Variants in FAM117B observed in about 807,000 individuals in gnomAD.
FAM117B encodes protein FAM117B.
A neutral mutation model predicts 52.8 loss-of-function variants in FAM117B; 22 were observed. That is an observed-to-expected ratio of 0.42 (90% CI 0.30 to 0.59). The LOEUF (loss-of-function observed/expected upper bound fraction) is 0.59, where lower values mean the gene tolerates loss of function less well. FAM117B is among the 20% of genes least tolerant of loss of function. FAM117B has a pLI of 0.22. For missense variants in FAM117B, 678 were observed against 802.6 expected (o/e 0.84, Z 1.88); for synonymous variants, 309 against 324.1 (o/e 0.95, Z 0.50).
rs548970976 is a variant in FAM117B at position 202,673,690 on chromosome 2, C to T, written c.602-22191C>T. Reference sequence around the variant, plus strand: ...CTGGAACTCTTGACCTCAGGTGATCCGCCTGTCTCGGTCTCCCAAAGTGCT... The same window carrying T: ...CTGGAACTCTTGACCTCAGGTGATCTGCCTGTCTCGGTCTCCCAAAGTGCT... On this transcript the variant is annotated intron_variant, in intron 1 of 7. Transcript: ENST00000392238. 1.0e-3 allele frequency among the ~76,000 whole-genome samples: 154 copies of T among 151,976 alleles called. 1 individual carries two copies. The highest frequency in any genetic ancestry group is 3.2e-3 in the African/African-American group (134 of 41,458).
At chr2:202,714,528 TTTTTC>T (rs1246593632) in intron 2 of FAM117B, among the ~76,000 whole-genome samples, 2 of 139,744 alleles carry the variant, frequency 1.4e-5, no homozygotes, top group Non-Finnish European at 3.1e-5. Context: ...ATATCTTTTT[TTTTTC>T]TTTTTTTTTT....
intron 2 of FAM117B, among the ~76,000 whole-genome samples, chr2:202,698,637 A>G (rs886381118): frequency 3.9e-5 from 6 of 152,002 alleles, no homozygotes; most frequent in Non-Finnish European, 7.4e-5. Flanking sequence ...TGGTCAGGCC[A>G]GTCTCAAACT....
At chr2:202,736,121 G>A (rs866144650) in intron 4 of FAM117B, among the ~76,000 whole-genome samples, 3 of 152,104 alleles carry the variant, frequency 2.0e-5, no homozygotes, top group Admixed American at 6.5e-5. Flanking sequence ...AGGAATGGAA[G>A]GTGCATTGTA....
chr2:202,685,199 G>T (rs1056211177), intron 1 of FAM117B, among the ~76,000 whole-genome samples: 4 of 151,972 alleles, frequency 2.6e-5, no homozygotes, highest in African/African-American at 9.7e-5. Context: ...TGGCCAGGCT[G>T]GTTTTGAACT....
At chr2:202,755,037 T>C (rs1691781523) in intron 4 of FAM117B, among the ~76,000 whole-genome samples, 1 of 151,526 alleles carries the variant, frequency 6.6e-6, no homozygotes, top group South Asian at 2.1e-4. Context: ...ACAGGTCACA[T>C]GGCCAAGCAG....
chr2:202,665,539 T>G (rs912096952), intron 1 of FAM117B, among the ~76,000 whole-genome samples: 2 of 152,220 alleles, frequency 1.3e-5, no homozygotes, highest in South Asian at 4.1e-4. Flanking sequence ...TGGCACATGA[T>G]GTAATCGTGG....
chr2:202,753,094 C>T (rs1691750399), intron 4 of FAM117B, among the ~76,000 whole-genome samples: 1 of 152,182 alleles, frequency 6.6e-6, no homozygotes, highest in Admixed American at 6.5e-5. Flanking sequence ...AAGCTGGAGG[C>T]ATCATGCTAC....
chr2:202,668,823 A>T (rs1368522308), intron 1 of FAM117B, among the ~76,000 whole-genome samples: 1 of 152,126 alleles, frequency 6.6e-6, no homozygotes, highest in Non-Finnish European at 1.5e-5. Context: ...AAATGAGAAT[A>T]CTCAGTCCAA....
At chr2:202,655,746 G>GTGTGTGTGTGTGTGTGTGTGTGTGTTGA (rs1690045154) in intron 1 of FAM117B, among the ~76,000 whole-genome samples, 1 of 150,160 alleles carries the variant, frequency 6.7e-6, no homozygotes, top group African/African-American at 2.5e-5. Context: ...GAGAGAGAGA[G>GTGTGTGTGTGTGTGTGTGTGTGTGTTGA]AGAGAGAGAG....
chr2:202,699,436 AAAAAAAAAAAAAG>A (rs1690763153), intron 2 of FAM117B, among the ~76,000 whole-genome samples: 1 of 132,136 alleles, frequency 7.6e-6, no homozygotes, highest in African/African-American at 3.0e-5. Context: ...CAAAAAAAAA[AAAAAAAAAAAAAG>A]AAAAAAAAAA....
At chr2:202,736,812 T>C (rs983675483) in intron 4 of FAM117B, among the ~76,000 whole-genome samples, 2 of 152,090 alleles carry the variant, frequency 1.3e-5, no homozygotes, top group Admixed American at 6.6e-5. Flanking sequence ...CTCCCTTTGG[T>C]TGTATTAGGG....
At chr2:202,718,158 C>A (rs531629584) in intron 2 of FAM117B, among the ~76,000 whole-genome samples, 1 of 151,896 alleles carries the variant, frequency 6.6e-6, no homozygotes, top group Non-Finnish European at 1.5e-5. Flanking sequence ...TGCTGCCTGG[C>A]GTGGAACTCA....
intron 4 of FAM117B, among the ~76,000 whole-genome samples, chr2:202,739,981 G>A (rs1385040771): frequency 2.0e-5 from 3 of 151,580 alleles, no homozygotes; most frequent in Non-Finnish European, 4.4e-5. Context: ...AGACCATCCT[G>A]GCTAACATGG....
chr2:202,752,856 A>G (rs1481652843), intron 4 of FAM117B, among the ~76,000 whole-genome samples: 1 of 152,240 alleles, frequency 6.6e-6, no homozygotes, highest in Non-Finnish European at 1.5e-5. Context: ...GACAATAAAA[A>G]CATTTTTAAT....
chr2:202,647,922 TTTC>T (rs988290937), intron 1 of FAM117B, among the ~76,000 whole-genome samples: 3 of 152,154 alleles, frequency 2.0e-5, no homozygotes, highest in Non-Finnish European at 4.4e-5. Flanking sequence ...TACTGACATT[TTTC>T]TTCTTCTTCA....
At chr2:202,661,343 G>C (rs1690125219) in intron 1 of FAM117B, among the ~76,000 whole-genome samples, 1 of 152,154 alleles carries the variant, frequency 6.6e-6, no homozygotes, top group African/African-American at 2.4e-5. Flanking sequence ...TCTGAGTACA[G>C]TATGAGAAAT....
chr2:202,646,070 A>C (rs1689857480), intron 1 of FAM117B, among the ~76,000 whole-genome samples: 1 of 146,736 alleles, frequency 6.8e-6, no homozygotes, highest in Admixed American at 6.9e-5. Flanking sequence ...TCCGTTGCCC[A>C]GGCTGGAGTG....
intron 1 of FAM117B, among the ~76,000 whole-genome samples, chr2:202,668,628 A>G (rs941979508): frequency 4.7e-5 from 7 of 150,020 alleles, no homozygotes; most frequent in Admixed American, 1.3e-4. Flanking sequence ...CCTAATAAAT[A>G]AATAAATAAA....
intron 1 of FAM117B, among the ~76,000 whole-genome samples, chr2:202,667,085 A>G (rs1044950143): frequency 1.3e-5 from 2 of 151,944 alleles, no homozygotes; most frequent in Non-Finnish European, 2.9e-5. Flanking sequence ...CCAGGCCTCT[A>G]TTTGAGTTAC....
Sources: allele counts gnomAD v4.1 joint callset (sites outside exome capture counted in the v4.1 genomes callset), GRCh38; gene constraint gnomAD v4.1.1; transcripts MANE v1.5; gene names NCBI Gene and HGNC (gene_info 2026-07-23, HGNC 2026-07-21).